ELP4: variants seen among roughly 807,000 people sequenced by gnomAD.
ELP4 encodes elongator acetyltransferase complex subunit 4.
A neutral mutation model predicts 48.9 loss-of-function variants in ELP4; 51 were observed. That is an observed-to-expected ratio of 1.04 (90% CI 0.83 to 1.32). ELP4 has a LOEUF of 1.32. Among genes scored for constraint, ELP4 ranks in the 40% most tolerant of loss-of-function variants. The probability of loss-of-function intolerance (pLI) is 0.00; values close to 1 mark genes in which losing one functional copy is unlikely to be tolerated. For missense variants in ELP4, 519 were observed against 514.6 expected, an observed-to-expected ratio of 1.01 and a Z score of -0.08; for synonymous variants, 210 against 189.2, an observed-to-expected ratio of 1.11 and a Z score of -0.90.
intron 9 of ELP4, among the ~76,000 whole-genome samples, chr11:31,740,063 CAG>C (rs1308532587): frequency 7.2e-5 from 11 of 152,156 alleles, no homozygotes; most frequent in Non-Finnish European, 1.5e-4. Flanking sequence ...GTTTTATAGT[CAG>C]AGGTTATACA....
At chr11:31,779,368 C>T (rs1455678560) in intron 9 of ELP4, among the ~76,000 whole-genome samples, 4 of 152,176 alleles carry the variant, frequency 2.6e-5, no homozygotes, top group Non-Finnish European at 5.9e-5. Flanking sequence ...ACTGTGAGCA[C>T]TGAGCACAGG....
At chr11:31,548,737 A>G (rs1220782936) in intron 3 of ELP4, among the ~76,000 whole-genome samples, 1 of 151,686 alleles carries the variant, frequency 6.6e-6, no homozygotes, top group Admixed American at 6.6e-5. Flanking sequence ...TTCAAACTAT[A>G]CTACAAGGCT....
At position 31,785,502 on chromosome 11, in the gene ELP4, G is replaced by C. The variant is rs928956385; in HGVS notation, c.*1978G>C. 2 of 189,880 alleles carry C rather than the reference G, an allele frequency of 1.1e-5. No homozygotes were observed. The highest frequency in any genetic ancestry group is 4.7e-5 in the African/African-American group (2 of 42,928). 11.8% of individuals were successfully genotyped at this position (189,880 alleles called of 1,614,324 possible). A position where few individuals can be genotyped will look rare whatever the true frequency, so the allele number is the denominator to read the frequency against. ...CAAATAGATAACTACTATAAAAATT[G>C]AATATGCATATTTGAACCCTTATTT... On this transcript the variant is annotated 3_prime_UTR_variant, in exon 10 of 10. Transcript: ENST00000640961.
At chr11:31,736,679 C>G (rs1389635230) in intron 9 of ELP4, among the ~76,000 whole-genome samples, 1 of 152,186 alleles carries the variant, frequency 6.6e-6, no homozygotes, top group Non-Finnish European at 1.5e-5. Flanking sequence ...TCTGAACAGA[C>G]ACTTCTCAAA....
At chr11:31,771,558 C>G (rs1948143052) in intron 9 of ELP4, among the ~76,000 whole-genome samples, 1 of 152,224 alleles carries the variant, frequency 6.6e-6, no homozygotes, top group Non-Finnish European at 1.5e-5. Flanking sequence ...TCATTGACTG[C>G]TCCAGAAAAG....
At chr11:31,656,354 G>T (rs1441702159) in intron 9 of ELP4, among the ~76,000 whole-genome samples, 1 of 151,918 alleles carries the variant, frequency 6.6e-6, no homozygotes, top group Non-Finnish European at 1.5e-5. Flanking sequence ...TTGGCTGGCA[G>T]AACATCATTG....
At chr11:31,726,464 G>A (rs768809562) in intron 9 of ELP4, among the ~76,000 whole-genome samples, 1 of 152,102 alleles carries the variant, frequency 6.6e-6, no homozygotes, top group Non-Finnish European at 1.5e-5. Flanking sequence ...TGTGATTTTT[G>A]GTAACTAATC....
At chr11:31,646,153 T>A (rs376273169) in intron 7 of ELP4, 2 of 151,750 alleles carry the variant, frequency 1.3e-5, no homozygotes, top group East Asian at 3.9e-4. Context: ...TCAATCTGGA[T>A]TATTTTCTCA....
At chr11:31,663,118 A>G (rs931793564) in intron 9 of ELP4, 1 of 152,036 alleles carries the variant, frequency 6.6e-6, no homozygotes, top group African/African-American at 2.4e-5. Context: ...ATTGTAATGT[A>G]TAAATATATA....
chr11:31,763,279 G>A (rs1947982933), intron 9 of ELP4: 1 of 718,142 alleles, frequency 1.4e-6, no homozygotes. Context: ...GGATAGATGA[G>A]TTCACTGTGC....
intron 1 of ELP4, among the ~76,000 whole-genome samples, chr11:31,516,106 C>T (rs898568483): frequency 6.6e-6 from 1 of 152,076 alleles, no homozygotes; most frequent in Non-Finnish European, 1.5e-5. Flanking sequence ...TAGCAAGACT[C>T]GGTCTCAAAA....
intron 9 of ELP4, among the ~76,000 whole-genome samples, chr11:31,732,214 AAGT>A (rs1364336005): frequency 3.3e-5 from 5 of 152,198 alleles, no homozygotes; most frequent in Non-Finnish European, 5.9e-5. Context: ...ATTTAAATAA[AAGT>A]AGAGTATCTA....
intron 9 of ELP4, among the ~76,000 whole-genome samples, chr11:31,693,692 G>A (rs1041707846): frequency 3.9e-5 from 6 of 152,160 alleles, no homozygotes; most frequent in Admixed American, 1.3e-4. Flanking sequence ...TGGGATGGCT[G>A]GGTCAAATAG....
chr11:31,681,741 C>CTT (rs367852606), intron 9 of ELP4: 14,442 of 141,904 alleles, frequency 0.1, 858 homozygotes, highest in East Asian at 0.17. Flanking sequence ...TATTTCTTTC[C>CTT]TTTTTTTTTT....
At chr11:31,674,408 A>G (rs897805615) in intron 9 of ELP4, among the ~76,000 whole-genome samples, 1 of 152,344 alleles carries the variant, frequency 6.6e-6, no homozygotes, top group South Asian at 2.1e-4. Flanking sequence ...TGGCCACTTA[A>G]TAGAAAAACC....
chr11:31,781,937 T>C (rs1948386765), intron 9 of ELP4, among the ~76,000 whole-genome samples: 1 of 152,208 alleles, frequency 6.6e-6, no homozygotes, highest in South Asian at 2.1e-4. Context: ...AAGAAATAGA[T>C]ATTTAATTGC....
chr11:31,776,152 C>CAAAAA (rs371572032), intron 9 of ELP4, among the ~76,000 whole-genome samples: 17 of 51,600 alleles, frequency 3.3e-4, no homozygotes, highest in Non-Finnish European at 2.8e-4. Context: ...CCCTATCTCA[C>CAAAAA]AAAAAAAAAA....
chr11:31,690,592 T>C (rs1946257446), intron 9 of ELP4, among the ~76,000 whole-genome samples: 1 of 152,094 alleles, frequency 6.6e-6, no homozygotes, highest in African/African-American at 2.4e-5. Context: ...TTACAAAGTC[T>C]GAGTTGATAA....
At chr11:31,536,025 T>C (rs1481343489) in intron 2 of ELP4, among the ~76,000 whole-genome samples, 2 of 152,184 alleles carry the variant, frequency 1.3e-5, no homozygotes, top group Admixed American at 6.5e-5. Context: ...ATCCTAGATA[T>C]CCAATCCTGG....
Sources: allele counts gnomAD v4.1 joint callset (sites outside exome capture counted in the v4.1 genomes callset), GRCh38; gene constraint gnomAD v4.1.1; transcripts MANE v1.5; gene names NCBI Gene and HGNC (gene_info 2026-07-23, HGNC 2026-07-21).